The following BEND3 variants were observed in gnomAD, a reference collection of about 807,000 sequenced individuals.
The protein encoded by BEND3 is BEN domain-containing protein 3.
In BEND3, 13 loss-of-function variants were observed where a neutral mutation model predicts 60.1. The observed-to-expected ratio is 0.22, with a 90% CI of 0.14 to 0.34. The LOEUF is 0.34. Among genes scored for constraint, BEND3 ranks in the 10% least tolerant of loss-of-function variants. BEND3 has a pLI of 1.00. For missense variants in BEND3, 896 were observed against 1,138.1 expected, an observed-to-expected ratio of 0.79 and a Z score of 3.06; for synonymous variants, 497 against 491.5, an observed-to-expected ratio of 1.01 and a Z score of -0.15.
intron 1 of BEND3, among the ~76,000 whole-genome samples, chr6:107,114,597 C>G (rs1770218286): frequency 6.7e-6 from 1 of 150,056 alleles, no homozygotes; most frequent in Non-Finnish European, 1.5e-5. Context: ...CCCTTCCACA[C>G]GCCGAGCAGT....
chr6:107,087,149 T>G (rs538587053), intron 3 of BEND3, among the ~76,000 whole-genome samples: 1 of 150,824 alleles, frequency 6.6e-6, no homozygotes, highest in African/African-American at 2.4e-5. Flanking sequence ...CTGGTCAACA[T>G]GGCGAAACCC....
At chr6:107,084,629 T>A (rs1478847924) in intron 3 of BEND3, among the ~76,000 whole-genome samples, 2 of 151,790 alleles carry the variant, frequency 1.3e-5, no homozygotes, top group Non-Finnish European at 2.9e-5. Context: ...CAGCACTCTG[T>A]GTCTAGCTAA....
chr6:107,084,875 C>T (rs140119295), intron 3 of BEND3, among the ~76,000 whole-genome samples: 161 of 152,326 alleles, frequency 1.1e-3, no homozygotes, highest in East Asian at 9.5e-3. Flanking sequence ...CAGCAGGACA[C>T]GGGCCAAATA....
intron 3 of BEND3, among the ~76,000 whole-genome samples, chr6:107,091,623 T>C (rs1351397685): frequency 6.6e-6 from 1 of 152,158 alleles, no homozygotes; most frequent in African/African-American, 2.4e-5. Flanking sequence ...ACATTCCAAA[T>C]AGGGCTATAT....
rs1774882114 is a variant in BEND3, at chr6:107,068,643, C to T, written c.*61G>A. 1.3e-6 allele frequency: 2 copies of T among 1,563,656 alleles called. No individual in the cohort carries two copies. The highest frequency in any genetic ancestry group is 2.7e-5 in the African/African-American group (2 of 74,082). The stretch of plus-strand genomic sequence containing the variant: ...GGCGTGCTCCCAAGTATTGCTCAGT[C>T]CCAAGGGTGCCCATCGCTCAGCCTC... On this transcript the variant is annotated 3_prime_UTR_variant, in exon 4 of 4. Coordinates refer to ENST00000369042, the MANE Select transcript of BEND3 (RefSeq NM_001367314.1). The surrounding 1 kb of genome is among the most constrained non-coding windows in gnomAD (Gnocchi z 5.8).
intron 3 of BEND3, among the ~76,000 whole-genome samples, chr6:107,093,769 A>G (rs1554235577): frequency 6.6e-6 from 1 of 152,246 alleles, no homozygotes; most frequent in African/African-American, 2.4e-5. Flanking sequence ...CTAAATGTAA[A>G]ATGAAAAACT....
chr6:107,070,466 G>T lies in BEND3; in HGVS notation c.725C>A (p.Pro242Gln). 2 of 1,614,128 alleles carry T rather than the reference G, an allele frequency of 1.2e-6. No individual in the cohort carries two copies. Among genetic ancestry groups the T allele is most frequent in the South Asian group, 2.2e-5 (2 of 91,076 alleles). The change falls in exon 4 of 4, where the codon CCG (proline) becomes CAG (glutamine). Residue 242 changes from proline (P) to glutamine (Q), a missense_variant. By Grantham distance (76) the Pro-to-Gln change is moderately conservative (BLOSUM62 -1). Transcript: ENST00000369042. This position sits in a 1 kb window ranked among gnomAD's most constrained non-coding sequence, Gnocchi z 6.9. ...SPTEMVAKFQ[P>Q]PPEYQLTAAE... ...GGCTGTGAGCTGGTACTCAGGGGGC[G>T]GCTGGAATTTGGCCACCATCTCAGT... is the stretch of plus-strand genomic sequence containing the variant.
chr6:107,098,448 A>C lies in BEND3; in HGVS notation c.240+103T>G, dbSNP rs554296735. 8.3e-6 allele frequency: 10 copies of C among 1,210,468 alleles called. No homozygotes were observed. In the South Asian group the frequency reaches 1.1e-4, roughly 13 times the overall value. 75.0% of individuals were successfully genotyped at this position (1,210,468 alleles called of 1,614,324 possible). The stretch of plus-strand genomic sequence containing the variant: ...CTTAAATGAAACCTTCCCATGCCCA[A>C]GGGTTCAGCAGTTGCCAGGATGCCC... On this transcript the variant is annotated intron_variant, in intron 3 of 3. Transcript: ENST00000369042.
At chr6:107,112,788 G>A (rs190401017) in intron 1 of BEND3, among the ~76,000 whole-genome samples, 109 of 150,546 alleles carry the variant, frequency 7.2e-4, no homozygotes, top group Non-Finnish European at 1.2e-3. Context: ...AGGAGGCAGA[G>A]GTTGCGGTGA....
intron 3 of BEND3, among the ~76,000 whole-genome samples, chr6:107,093,563 A>G (rs1775521602): frequency 6.6e-6 from 1 of 152,232 alleles, no homozygotes; most frequent in African/African-American, 2.4e-5. Flanking sequence ...CTGGGGCAAG[A>G]ATAAACAAAT....
chr6:107,088,618 CTT>C (rs1287827991), intron 3 of BEND3, among the ~76,000 whole-genome samples: 2 of 152,134 alleles, frequency 1.3e-5, no homozygotes, highest in African/African-American at 4.8e-5. Flanking sequence ...GAACAAAACA[CTT>C]TACCTATAGA....
intron 1 of BEND3, chr6:107,113,846 T>C (rs1770187005): frequency 6.6e-6 from 1 of 152,184 alleles, no homozygotes; most frequent in Non-Finnish European, 1.5e-5. Context: ...CAGCCGTTTA[T>C]ATACCTGGCT....
chr6:107,066,326 G>C lies in BEND3; in HGVS notation c.*2378C>G, dbSNP rs529767616. On this transcript the variant is annotated 3_prime_UTR_variant, in exon 4 of 4. Transcript: ENST00000369042. ...CACCATACAGACAGGGCAAGGACCTGCAGGCGTTTCCTGACGACAGTCCAG... is the reference window on the plus strand; with the variant it reads ...CACCATACAGACAGGGCAAGGACCTCCAGGCGTTTCCTGACGACAGTCCAG... 6.6e-6 allele frequency: 1 copy of C among 152,584 alleles called. No homozygotes were observed. The highest frequency in any genetic ancestry group is 2.4e-5 in the African/African-American group (1 of 41,578). 9.5% of individuals were successfully genotyped at this position (152,584 alleles called of 1,614,324 possible). A position where few individuals can be genotyped will look rare whatever the true frequency, so the allele number is the denominator to read the frequency against.
chr6:107,083,031 T>C (rs1303716828), intron 3 of BEND3, among the ~76,000 whole-genome samples: 2 of 152,202 alleles, frequency 1.3e-5, no homozygotes, highest in Admixed American at 1.3e-4. Context: ...GGTTGATGTA[T>C]GGGGATGTTT....
At position 107,115,490 on chromosome 6, in the gene BEND3, G is replaced by A. The variant is rs1313376708; in HGVS notation, c.-412C>T. Among the ~76,000 whole-genome samples, 1 of 146,864 alleles carries A rather than the reference G, an allele frequency of 6.8e-6. No homozygotes were observed. The highest frequency in any genetic ancestry group is 1.5e-5 in the Non-Finnish European group (1 of 66,056). ...GGGCGCGCACTCCCGGGACCCAGGC[G>A]GCCCGGCGCGCTCGGCCAGCGCAGT... On this transcript the variant is annotated 5_prime_UTR_variant, in exon 1 of 4. Coordinates refer to ENST00000369042, the MANE Select transcript of BEND3 (RefSeq NM_001367314.1).
At position 107,070,960 on chromosome 6, in the gene BEND3, A is replaced by G; in HGVS notation, c.241-10T>C. The G allele has an allele frequency of 6.3e-7, 1 of 1,596,804 alleles. No individual in the cohort carries two copies. ...TGCCTGCTAGGAGAGCCTGCAAAACAAAAATCATTTCCCAGAGTGTTAGGT... is the reference window on the plus strand; with the variant it reads ...TGCCTGCTAGGAGAGCCTGCAAAACGAAAATCATTTCCCAGAGTGTTAGGT... On this transcript the variant is annotated splice_polypyrimidine_tract_variant and intron_variant, in intron 3 of 3. Transcript: ENST00000369042. This position sits in a 1 kb window ranked among gnomAD's most constrained non-coding sequence, Gnocchi z 6.9.
chr6:107,080,105 C>T (rs1445995286), intron 3 of BEND3, among the ~76,000 whole-genome samples: 1 of 151,708 alleles, frequency 6.6e-6, no homozygotes, highest in Non-Finnish European at 1.5e-5. Context: ...CTTCAGAAAA[C>T]ATTACATATG....
rs79105553 is a variant in BEND3, at chr6:107,112,030, A to T, written c.-12+3060T>A. ...AATTAAGCACCAGGAAAAAAACACT[A>T]CATCCCAGCCTCCCATATACAAACA... On this transcript the variant is annotated intron_variant, in intron 1 of 3. Coordinates refer to ENST00000369042, the MANE Select transcript of BEND3 (RefSeq NM_001367314.1). Among the ~76,000 whole-genome samples the T allele has an allele frequency of 0.017, 2,625 of 151,936 alleles. 87 individuals are homozygous for T. In the East Asian group the frequency reaches 0.17, roughly 10 times the overall value.
chr6:107,111,393 C>T (rs1215813280), intron 1 of BEND3, among the ~76,000 whole-genome samples: 1 of 151,928 alleles, frequency 6.6e-6, no homozygotes, highest in African/African-American at 2.4e-5. Context: ...TGCCTGTGAT[C>T]CCAGTTACTC....
Sources: gnomAD v4.1 joint callset for allele counts (sites outside exome capture counted in the v4.1 genomes callset) on GRCh38, gnomAD v4.1.1 for gene constraint, Gnocchi (gnomAD v3.1) non-coding constraint, MANE v1.5 for transcripts, NCBI Gene and HGNC (gene_info 2026-07-23, HGNC 2026-07-21) for gene names.